SANBR: variants seen among roughly 807,000 people sequenced by gnomAD.
SANBR encodes the protein SANT and BTB domain regulator of class switch recombination.
In SANBR, 77 loss-of-function variants were observed where a neutral mutation model predicts 101.8. The ratio of observed to expected loss-of-function variants is 0.76; its 90% CI spans 0.63 to 0.91. The LOEUF (loss-of-function observed/expected upper bound fraction) is 0.91, where lower values mean the gene tolerates loss of function less well. Ranked by LOEUF, SANBR falls within the 40% of genes least tolerant of loss-of-function variation. The probability of loss-of-function intolerance (pLI) is 0.00; values close to 1 mark genes in which losing one functional copy is unlikely to be tolerated. For missense variants in SANBR, 875 were observed against 853.0 expected, an observed-to-expected ratio of 1.03 and a Z score of -0.32; for synonymous variants, 279 against 274.7, an observed-to-expected ratio of 1.02 and a Z score of -0.15.
intron 17 of SANBR, among the ~76,000 whole-genome samples, chr2:61,116,764 A>G (rs1044708584): frequency 9.9e-5 from 15 of 152,086 alleles, no homozygotes; most frequent in African/African-American, 3.6e-4. Flanking sequence ...AAAAAATTGT[A>G]TCAGCTGGCT....
chr2:61,078,720 C>T (rs1200802693), intron 6 of SANBR, among the ~76,000 whole-genome samples: 4 of 152,118 alleles, frequency 2.6e-5, no homozygotes, highest in African/African-American at 7.2e-5. Flanking sequence ...CGGCGCCCGA[C>T]CTAATATTTT....
chr2:61,089,054 A>G (rs1299055888), intron 10 of SANBR: 2 of 972,946 alleles, frequency 2.1e-6, no homozygotes, highest in East Asian at 1.1e-4. Flanking sequence ...TAGTGCCTTT[A>G]AAATGCTCTC....
chr2:61,105,730 G>A (rs1219568409), intron 13 of SANBR, among the ~76,000 whole-genome samples: 1 of 150,914 alleles, frequency 6.6e-6, no homozygotes, highest in Non-Finnish European at 1.5e-5. Context: ...GGAGTGCAGT[G>A]GTGCGATCTC....
At chr2:61,109,681 GTTTT>G (rs1297359773) in intron 16 of SANBR, among the ~76,000 whole-genome samples, 6 of 124,818 alleles carry the variant, frequency 4.8e-5, no homozygotes, top group African/African-American at 1.9e-4. Context: ...TTTTGTGTTT[GTTTT>G]TTTTTTTTTT....
chr2:61,086,204 C>T (rs1051856734), intron 8 of SANBR, among the ~76,000 whole-genome samples: 4 of 151,898 alleles, frequency 2.6e-5, no homozygotes, highest in Admixed American at 1.3e-4. Flanking sequence ...TGCTCAGTCA[C>T]CCAAGCTGGA....
chr2:61,101,508 C>T (rs986502427), intron 12 of SANBR, among the ~76,000 whole-genome samples: 4 of 151,616 alleles, frequency 2.6e-5, no homozygotes, highest in African/African-American at 9.7e-5. Context: ...CTGAGGCGGG[C>T]GGATCACGAG....
In SANBR at chr2:61,095,732, C is replaced by G. The variant is rs1281135562; in HGVS notation, c.1213-1968C>G. On this transcript the variant is annotated intron_variant, in intron 11 of 21. Transcript: ENST00000402291. ...GAGGAACTCTCTCAACAAGGGCCCA[C>G]TCCTGGTGCAGTACTATAGCTTTTC... Among the ~76,000 whole-genome samples, 5 of 152,276 alleles carry G rather than the reference C, an allele frequency of 3.3e-5. No individual in the cohort carries two copies. The South Asian group carries it at 1.0e-3, about 32-fold the overall frequency.
chr2:61,102,535 ATT>A, intron 12 of SANBR, among the ~76,000 whole-genome samples: 1 of 145,810 alleles, frequency 6.9e-6, no homozygotes, highest in Non-Finnish European at 1.5e-5. Flanking sequence ...CAATGACTAA[ATT>A]TTTTTTTTTT....
intron 5 of SANBR, among the ~76,000 whole-genome samples, chr2:61,076,148 C>T (rs1681759630): frequency 7.4e-6 from 1 of 135,696 alleles, no homozygotes; most frequent in Non-Finnish European, 1.8e-5. Context: ...TGCATGCCAC[C>T]ATGGCCAGCT....
chr2:61,128,308 C>T (rs1355379799), downstream of SANBR, among the ~76,000 whole-genome samples: 1 of 150,858 alleles, frequency 6.6e-6, no homozygotes, highest in African/African-American at 2.4e-5. Flanking sequence ...TACAAGAGAA[C>T]CCCAGTAAGA....
chr2:61,107,791 C>T, intron 14 of SANBR, among the ~76,000 whole-genome samples: 1 of 151,764 alleles, frequency 6.6e-6, no homozygotes, highest in East Asian at 1.9e-4. Context: ...GAGGCTAAAG[C>T]AGGAGAATCG....
intron 21 of SANBR, chr2:61,134,367 G>C: frequency 1.5e-6 from 2 of 1,309,472 alleles, no homozygotes; most frequent in Non-Finnish European, 2.1e-6. Flanking sequence ...TTTTTGGCTT[G>C]GCTCACGTTA....
intron 6 of SANBR, among the ~76,000 whole-genome samples, chr2:61,080,063 G>A (rs1682019768): frequency 6.6e-6 from 1 of 151,904 alleles, no homozygotes; most frequent in Non-Finnish European, 1.5e-5. Context: ...CAGGCGTGGT[G>A]GCAGGTGCCT....
At position 61,092,496 on chromosome 2, in the gene SANBR, A is replaced by G. The variant is rs760999591; in HGVS notation, c.1121A>G (p.Asn374Ser). ...ACATGGGATGTTCATGAGTATTTGAATAGTCTTTTCGAAGAATTAAAATCT... is the reference window on the plus strand; with the variant it reads ...ACATGGGATGTTCATGAGTATTTGAGTAGTCTTTTCGAAGAATTAAAATCT... ...DKTWDVHEYL[N>S]SLFEELKSWR... Residue 374 changes from asparagine (N) to serine (S), a missense_variant, in exon 11 of 22, where the codon AAT becomes AGT. By Grantham distance (46) the Asn-to-Ser change is conservative. Transcript: ENST00000402291. 1 of 1,603,602 alleles carries G rather than the reference A, an allele frequency of 6.2e-7. No individual in the cohort carries two copies. Among genetic ancestry groups the G allele is most frequent in the East Asian group, 2.2e-5 (1 of 44,574 alleles).
At chr2:61,071,860 T>A in intron 4 of SANBR, 68 bp downstream of exon 4, 1 of 954,914 alleles carries the variant, frequency 1.0e-6, no homozygotes. Context: ...TATATTCCAA[T>A]CAACTTTTCT....
downstream of SANBR, among the ~76,000 whole-genome samples, chr2:61,125,116 G>A (rs1378727476): frequency 2.6e-5 from 4 of 152,258 alleles, no homozygotes; most frequent in African/African-American, 7.2e-5. Flanking sequence ...ATCTATTGGG[G>A]AAGATGGTAC....
At chr2:61,079,748 CA>C (rs1428828408) in intron 6 of SANBR, among the ~76,000 whole-genome samples, 1 of 151,552 alleles carries the variant, frequency 6.6e-6, no homozygotes, top group Non-Finnish European at 1.5e-5. Flanking sequence ...ATTAAAAATT[CA>C]AAAAAAATTA....
chr2:61,117,690 G>T, intron 19 of SANBR, 150 bp downstream of exon 19: 1 of 675,988 alleles, frequency 1.5e-6, no homozygotes, highest in Non-Finnish European at 2.5e-6. Context: ...AACAACCAGA[G>T]TTTCATTACT....
At chr2:61,120,400 T>G (rs1012201543) in intron 20 of SANBR, among the ~76,000 whole-genome samples, 1 of 152,180 alleles carries the variant, frequency 6.6e-6, no homozygotes, top group Non-Finnish European at 1.5e-5. Flanking sequence ...CTCAGGAGGC[T>G]GAGGCAGGAG....
Sources: allele counts gnomAD v4.1 joint callset (sites outside exome capture counted in the v4.1 genomes callset), GRCh38; gene constraint gnomAD v4.1.1; transcripts MANE v1.5; gene names NCBI Gene and HGNC (gene_info 2026-07-23, HGNC 2026-07-21).